The following ZNF26 variants were observed in gnomAD, a reference collection of about 807,000 sequenced individuals.
The protein encoded by ZNF26 is epididymis luminal protein 179.
Under a neutral mutation model 54.9 loss-of-function variants are expected in ZNF26, and 32 were observed. The ratio of observed to expected loss-of-function variants is 0.58; its 90% CI spans 0.44 to 0.78. ZNF26 has a LOEUF of 0.78. Ranked by LOEUF, ZNF26 falls within the 30% of genes least tolerant of loss-of-function variation. ZNF26 has a pLI of 0.00. For missense variants in ZNF26, 524 were observed against 634.0 expected, an observed-to-expected ratio of 0.83 and a Z score of 1.86; for synonymous variants, 221 against 209.2, an observed-to-expected ratio of 1.06 and a Z score of -0.49.
intron 1 of ZNF26, among the ~76,000 whole-genome samples, chr12:132,990,656 A>G (rs1444294872): frequency 6.6e-6 from 1 of 152,154 alleles, no homozygotes; most frequent in Non-Finnish European, 1.5e-5. Flanking sequence ...GGTAGACTTC[A>G]CCAGTGAGTG....
intron 1 of ZNF26, among the ~76,000 whole-genome samples, chr12:132,990,668 A>AC (rs1399548267): frequency 6.6e-6 from 1 of 152,034 alleles, no homozygotes; most frequent in East Asian, 1.9e-4. Flanking sequence ...CAGTGAGTGA[A>AC]CCCATCTTGG....
intron 1 of ZNF26, among the ~76,000 whole-genome samples, chr12:132,993,579 C>A (rs1405564079): frequency 6.6e-6 from 1 of 151,866 alleles, no homozygotes; most frequent in African/African-American, 2.4e-5. Flanking sequence ...CCTCAGCCTC[C>A]CGAGTAGCTG....
intron 1 of ZNF26, among the ~76,000 whole-genome samples, chr12:132,989,086 G>A (rs1952892311): frequency 2.2e-5 from 3 of 136,356 alleles, no homozygotes; most frequent in African/African-American, 8.1e-5. Context: ...GGCCAGGCTG[G>A]AGTGCAGTGG....
At position 133,010,901 on chromosome 12, in the gene ZNF26, C is replaced by A; in HGVS notation, c.1022C>A (p.Pro341His). 6.2e-7 allele frequency: 1 copy of A among 1,614,058 alleles called. No individual in the cohort carries two copies. Among genetic ancestry groups the A allele is most frequent in the Non-Finnish European group, 8.5e-7 (1 of 1,180,038 alleles). Reference protein sequence around the residue: ...VHIRMHTGEKPYQCSDCGKAF... With the variant: ...VHIRMHTGEKHYQCSDCGKAF... Reference sequence around the variant, plus strand: ...ATCCGAATGCATACAGGAGAAAAACCCTATCAATGCAGTGATTGTGGGAAA... The same window carrying A: ...ATCCGAATGCATACAGGAGAAAAACACTATCAATGCAGTGATTGTGGGAAA... Residue 341 changes from proline to histidine, a missense_variant, in exon 4 of 4, where the codon CCC (proline) becomes CAC (histidine). Physicochemically the swap from Pro to His is moderately conservative, Grantham distance 77 (BLOSUM62 -2). Coordinates refer to ENST00000328654, the MANE Select transcript of ZNF26 (RefSeq NM_019591.4).
rs1179269984 is a variant in ZNF26 at position 133,011,594 on chromosome 12, G to T, written c.*113G>T. Reference sequence around the variant, plus strand: ...TACACTCATGTCAAAAATCAGAGAGGAGAGAGACCAACCATATTTGGGATG... The same window carrying T: ...TACACTCATGTCAAAAATCAGAGAGTAGAGAGACCAACCATATTTGGGATG... On this transcript the variant is annotated 3_prime_UTR_variant, in exon 4 of 4. Coordinates refer to ENST00000328654, the MANE Select transcript of ZNF26 (RefSeq NM_019591.4). 9.1e-7 allele frequency: 1 copy of T among 1,100,082 alleles called. No homozygotes were observed. The highest frequency in any genetic ancestry group is 2.6e-5 in the East Asian group (1 of 38,142). The allele number at this position is 1,100,082 out of a possible 1,614,324, so 68.1% of individuals were successfully genotyped here. A position where few individuals can be genotyped will look rare whatever the true frequency, so the allele number is the denominator to read the frequency against.
chr12:133,008,633 G>T (rs1254371648), intron 3 of ZNF26, among the ~76,000 whole-genome samples: 2 of 151,938 alleles, frequency 1.3e-5, no homozygotes, highest in African/African-American at 4.8e-5. Flanking sequence ...AAAATTAGCG[G>T]GGTGTGGTGG....
chr12:132,989,140 G>A (rs1174931544), intron 1 of ZNF26, among the ~76,000 whole-genome samples: 1 of 146,478 alleles, frequency 6.8e-6, no homozygotes, highest in East Asian at 2.1e-4. Context: ...GGGTTCAAGC[G>A]ATTCTCCTGC....
At chr12:133,009,108 TAG>T (rs1953410733) in intron 3 of ZNF26, among the ~76,000 whole-genome samples, 1 of 152,178 alleles carries the variant, frequency 6.6e-6, no homozygotes, top group South Asian at 2.1e-4. Flanking sequence ...CCTCCAGCAC[TAG>T]AGATTCTAAT....
In ZNF26 at chr12:133,016,698, T is replaced by G. The variant is rs1165168258; in HGVS notation, c.*5217T>G. 1 of 152,000 alleles carries G rather than the reference T, an allele frequency of 6.6e-6. No individual in the cohort carries two copies. The highest frequency in any genetic ancestry group is 2.4e-5 in the African/African-American group (1 of 41,334). The allele number at this position is 152,000 out of a possible 1,614,324, so 9.4% of individuals were successfully genotyped here. On this transcript the variant is annotated 3_prime_UTR_variant, in exon 4 of 4. Coordinates refer to ENST00000328654, the MANE Select transcript of ZNF26 (RefSeq NM_019591.4). ...CTGGAGGCTGAGGCAGGAGGATTGC[T>G]TGAGCCCAGGAGGTTGAAGCTGCAG...
intron 1 of ZNF26, among the ~76,000 whole-genome samples, chr12:133,000,248 T>TTATG (rs1389173389): frequency 2.0e-5 from 3 of 151,562 alleles, no homozygotes; most frequent in Admixed American, 1.3e-4. Context: ...TTTTATTCTT[T>TTATG]TATTTATTTA....
chr12:132,998,130 G>A (rs1298084589), intron 1 of ZNF26, among the ~76,000 whole-genome samples: 1 of 151,306 alleles, frequency 6.6e-6, no homozygotes, highest in African/African-American at 2.4e-5. Context: ...AGCCATGTAG[G>A]CTTCTTTTAA....
At position 133,010,115 on chromosome 12, in the gene ZNF26, ATTTTG is replaced by A; in HGVS notation, c.257-17_257-13del. On this transcript the variant is annotated splice_polypyrimidine_tract_variant and intron_variant, in intron 3 of 3. Coordinates refer to ENST00000328654, the MANE Select transcript of ZNF26 (RefSeq NM_019591.4). The stretch of plus-strand genomic sequence containing the variant: ...TTTATGTTATGATTCAAAAAGTTAT[ATTTTG>A]TTTGTTTTTTTGTAGATGGCTGGGA... 1.9e-6 allele frequency: 3 copies of A among 1,571,828 alleles called. No homozygotes were observed. Among genetic ancestry groups the A allele is most frequent in the Non-Finnish European group, 2.6e-6 (3 of 1,165,274 alleles).
intron 1 of ZNF26, among the ~76,000 whole-genome samples, chr12:133,002,650 A>C (rs995958771): frequency 9.2e-5 from 14 of 151,442 alleles, no homozygotes; most frequent in Non-Finnish European, 1.9e-4. Flanking sequence ...TTTGAGATGT[A>C]GTCTTCTGTG....
At chr12:132,994,885 T>C (rs1953042399) in intron 1 of ZNF26, among the ~76,000 whole-genome samples, 1 of 152,140 alleles carries the variant, frequency 6.6e-6, no homozygotes, top group South Asian at 2.1e-4. Flanking sequence ...CGTGGGTTGC[T>C]GAGCAGCATT....
rs200584036 is a variant in ZNF26 at position 133,010,585 on chromosome 12, G to A, written c.706G>A (p.Glu236Lys). 24 of 1,614,164 alleles carry A rather than the reference G, an allele frequency of 1.5e-5. No homozygotes were observed. The highest frequency in any genetic ancestry group is 3.3e-5 in the South Asian group (3 of 91,088). ...GEKPYSCSEC[E>K]KVFSFRSQLI... ...AAAACCCTACTCATGTAGTGAGTGCGAGAAGGTCTTCTCTTTCAGGTCACA... is the reference window on the plus strand; with the variant it reads ...AAAACCCTACTCATGTAGTGAGTGCAAGAAGGTCTTCTCTTTCAGGTCACA... The change falls in exon 4 of 4, where the codon GAG becomes AAG. Residue 236 changes from glutamate to lysine, a missense_variant. Glu to Lys is a moderately conservative substitution (Grantham distance 56). Coordinates refer to ENST00000328654, the MANE Select transcript of ZNF26 (RefSeq NM_019591.4).
In ZNF26 at chr12:133,026,442, A is replaced by C. The variant is rs1020969691; in HGVS notation, c.*14961A>C. 1 of 151,190 alleles carries C rather than the reference A, an allele frequency of 6.6e-6. No individual in the cohort carries two copies. Among genetic ancestry groups the C allele is most frequent in the Non-Finnish European group, 1.5e-5 (1 of 67,892 alleles). 9.4% of individuals were successfully genotyped at this position (151,190 alleles called of 1,614,324 possible). On this transcript the variant is annotated 3_prime_UTR_variant, in exon 4 of 4. Coordinates refer to ENST00000328654, the MANE Select transcript of ZNF26 (RefSeq NM_019591.4). ...GGTAATCAAGTTAAAATAATAAGTC[A>C]CTAAATTTTGAGGTGTTCTGTTATG...
chr12:132,993,618 G>A (rs998560934), intron 1 of ZNF26, among the ~76,000 whole-genome samples: 126 of 151,928 alleles, frequency 8.3e-4, no homozygotes, highest in African/African-American at 2.9e-3. Context: ...ACCATGCCCG[G>A]CTGATTTTTG....
Position 132,986,828 on chromosome 12 carries a change from C to G in ZNF26, c.-13C>G. On this transcript the variant is annotated 5_prime_UTR_variant, in exon 1 of 4. Coordinates refer to ENST00000328654, the MANE Select transcript of ZNF26 (RefSeq NM_019591.4). ...CCTGCCCCCGCAGGCAGCGCGCGAA[C>G]GTGGGCGTGGGGATGGCCACCAGTT... 6.2e-7 allele frequency: 1 copy of G among 1,603,214 alleles called. No individual in the cohort carries two copies. The highest frequency in any genetic ancestry group is 2.2e-5 in the East Asian group (1 of 44,474).
At chr12:133,010,104 C>G in intron 3 of ZNF26, 32 bp from the exon 4 acceptor site, 1 of 1,560,932 alleles carries the variant, frequency 6.4e-7, no homozygotes, top group East Asian at 2.2e-5. Context: ...TGTTATGATT[C>G]AAAAAGTTAT....
Sources: allele counts gnomAD v4.1 joint callset (sites outside exome capture counted in the v4.1 genomes callset), GRCh38; gene constraint gnomAD v4.1.1; transcripts MANE v1.5; gene names NCBI Gene and HGNC (gene_info 2026-07-23, HGNC 2026-07-21).